The following ULK4 variants were observed in gnomAD, a reference collection of about 807,000 sequenced individuals.
ULK4 encodes the protein inactive serine/threonine-protein kinase ULK4.
Under a neutral mutation model 160.6 loss-of-function variants are expected in ULK4, and 133 were observed. The observed-to-expected ratio is 0.83, with a 90% CI of 0.72 to 0.96. The LOEUF (loss-of-function observed/expected upper bound fraction) is 0.96, where lower values mean the gene tolerates loss of function less well. ULK4 is among the 40% of genes least tolerant of loss of function. ULK4 has a pLI of 0.00. For missense variants in ULK4, 1,580 were observed against 1,499.5 expected (o/e 1.05, Z -0.89); for synonymous variants, 534 against 539.8 (o/e 0.99, Z 0.15).
intron 19 of ULK4, among the ~76,000 whole-genome samples, chr3:41,814,876 T>C (rs1344177692): frequency 1.3e-5 from 2 of 151,836 alleles, no homozygotes; most frequent in Non-Finnish European, 2.9e-5. Flanking sequence ...GTTTTAGATG[T>C]CTTTTCATAC....
intron 34 of ULK4, among the ~76,000 whole-genome samples, chr3:41,446,051 A>C (rs1240515960): frequency 6.6e-6 from 1 of 152,220 alleles, no homozygotes; most frequent in African/African-American, 2.4e-5. Context: ...AACCCCATCA[A>C]AAAGTGGGAG....
At chr3:41,441,241 G>T (rs1398655249) in intron 34 of ULK4, among the ~76,000 whole-genome samples, 1 of 152,024 alleles carries the variant, frequency 6.6e-6, no homozygotes, top group Non-Finnish European at 1.5e-5. Flanking sequence ...TAAGGTAATT[G>T]ATTTGAGACC....
chr3:41,445,015 C>T (rs568345764), intron 34 of ULK4, among the ~76,000 whole-genome samples: 37 of 152,208 alleles, frequency 2.4e-4, no homozygotes, highest in Admixed American at 5.9e-4. Context: ...GATAAGCAAC[C>T]TCAGCGAAGT....
intron 25 of ULK4, among the ~76,000 whole-genome samples, chr3:41,708,311 A>AT (rs1388308690): frequency 2.6e-5 from 4 of 152,174 alleles, no homozygotes; most frequent in African/African-American, 9.7e-5. Context: ...AGATGAACGG[A>AT]TTTTTTAAAT....
At chr3:41,499,827 A>G (rs187597975) in intron 32 of ULK4, among the ~76,000 whole-genome samples, 2 of 152,250 alleles carry the variant, frequency 1.3e-5, no homozygotes, top group East Asian at 1.9e-4. Context: ...TTGATTAGTG[A>G]TATTTAATAG....
chr3:41,559,652 G>A (rs1393013128), intron 32 of ULK4, among the ~76,000 whole-genome samples: 1 of 151,862 alleles, frequency 6.6e-6, no homozygotes, highest in East Asian at 1.9e-4. Flanking sequence ...TGTCATGTGT[G>A]TTTTGGCTGC....
intron 22 of ULK4, 88 bp downstream of exon 22, chr3:41,754,273 T>C (rs1400478368): frequency 7.1e-7 from 1 of 1,407,742 alleles, no homozygotes; most frequent in Non-Finnish European, 9.5e-7. Context: ...AAATACCAGA[T>C]ACACAGAGGC....
chr3:41,735,588 G>T (rs1395702066), intron 22 of ULK4, among the ~76,000 whole-genome samples: 3 of 151,812 alleles, frequency 2.0e-5, no homozygotes, highest in African/African-American at 7.3e-5. Flanking sequence ...AATTCATTCT[G>T]GACAATATCA....
Position 41,931,826 on chromosome 3 carries a change from C to A in ULK4, c.541+18G>T. 1 of 1,613,358 alleles carries A rather than the reference C, an allele frequency of 6.2e-7. No individual in the cohort carries two copies. Among genetic ancestry groups the A allele is most frequent in the Non-Finnish European group, 8.5e-7 (1 of 1,179,536 alleles). On this transcript the variant is annotated intron_variant, in intron 5 of 36. Transcript: ENST00000301831. ...CACAACTAGAGTTATGATCTTTAAG[C>A]TTTCCAGGTCCACATACCTTTGACT...
chr3:41,460,891 G>A (rs1396013954), intron 33 of ULK4, among the ~76,000 whole-genome samples: 2 of 152,090 alleles, frequency 1.3e-5, no homozygotes, highest in Non-Finnish European at 2.9e-5. Context: ...TGATACTTAG[G>A]TGCAGTAACT....
At chr3:41,259,098 ATG>A (rs2078896294) in intron 35 of ULK4, among the ~76,000 whole-genome samples, 1 of 133,750 alleles carries the variant, frequency 7.5e-6, no homozygotes, top group Non-Finnish European at 1.5e-5. Flanking sequence ...ATATACATAT[ATG>A]TATATGTATA....
chr3:41,824,163 T>TTTAA (rs555935496), intron 18 of ULK4, among the ~76,000 whole-genome samples: 11 of 117,800 alleles, frequency 9.3e-5, no homozygotes, highest in East Asian at 4.7e-4. Flanking sequence ...ACTCTATCTT[T>TTTAA]AAAAAAAAAA....
chr3:41,927,127 C>G (rs893373101), intron 5 of ULK4, among the ~76,000 whole-genome samples: 4 of 152,174 alleles, frequency 2.6e-5, no homozygotes, highest in Admixed American at 6.5e-5. Flanking sequence ...CAAAGGGAAG[C>G]CCATCAGACT....
intron 27 of ULK4, among the ~76,000 whole-genome samples, chr3:41,684,539 A>G (rs1163046288): frequency 6.6e-6 from 1 of 152,206 alleles, no homozygotes. Context: ...CCAGTCTGAA[A>G]GGACCTGGAG....
chr3:41,800,094 A>G (rs377310465), intron 20 of ULK4, 38 bp downstream of exon 20: 4 of 1,490,832 alleles, frequency 2.7e-6, no homozygotes, highest in Non-Finnish European at 3.6e-6. Context: ...CTGTTTAAAG[A>G]TACCCAGACA....
At chr3:41,447,497 G>A (rs1192570563) in intron 34 of ULK4, among the ~76,000 whole-genome samples, 3 of 151,986 alleles carry the variant, frequency 2.0e-5, no homozygotes, top group Admixed American at 6.5e-5. Context: ...AGCCACTCAA[G>A]ACAAAGGCAT....
At chr3:41,883,752 G>T in intron 17 of ULK4, 122 bp downstream of exon 17, 1 of 900,212 alleles carries the variant, frequency 1.1e-6, no homozygotes, top group Non-Finnish European at 1.8e-6. Flanking sequence ...GTTTTAGAAC[G>T]ATTGCCACAA....
intron 35 of ULK4, among the ~76,000 whole-genome samples, chr3:41,387,944 G>A (rs564451947): frequency 1.3e-4 from 20 of 152,268 alleles, no homozygotes; most frequent in African/African-American, 4.6e-4. Context: ...CTGAGGAATC[G>A]CCACACTGAC....
intron 30 of ULK4, among the ~76,000 whole-genome samples, chr3:41,633,657 AT>A (rs1176066048): frequency 6.6e-6 from 1 of 152,176 alleles, no homozygotes; most frequent in Non-Finnish European, 1.5e-5. Context: ...TGGGAACATG[AT>A]CAGTTAGCAG....
Sources: gnomAD v4.1 joint callset for allele counts (sites outside exome capture counted in the v4.1 genomes callset) on GRCh38, gnomAD v4.1.1 for gene constraint, MANE v1.5 for transcripts, NCBI Gene and HGNC (gene_info 2026-07-23, HGNC 2026-07-21) for gene names.